ITGBL1: variants seen among roughly 807,000 people sequenced by gnomAD.
ITGBL1 encodes the protein integrin subunit beta like 1, also known as integrin beta-like protein 1.
In ITGBL1, 51 loss-of-function variants were observed where a neutral mutation model predicts 68.5. That is an observed-to-expected ratio of 0.74 (90% CI 0.59 to 0.94). ITGBL1 has a LOEUF of 0.94. ITGBL1 is among the 40% of genes least tolerant of loss of function. The pLI is 0.00. For missense variants in ITGBL1, 649 were observed against 647.4 expected (o/e 1.00, Z -0.03); for synonymous variants, 209 against 227.3 (o/e 0.92, Z 0.72).
chr13:101,460,581 G>A (rs1802156397), intron 2 of ITGBL1, among the ~76,000 whole-genome samples: 1 of 152,198 alleles, frequency 6.6e-6, no homozygotes, highest in South Asian at 2.1e-4. Flanking sequence ...ACAGGGCTCT[G>A]CAGCTCTACC....
chr13:101,639,288 G>A (rs1264710828), intron 7 of ITGBL1, among the ~76,000 whole-genome samples: 1 of 152,108 alleles, frequency 6.6e-6, no homozygotes, highest in African/African-American at 2.4e-5. Context: ...ATATTTCCCT[G>A]AGACAAAGTT....
chr13:101,568,934 T>C (rs1289696902), intron 3 of ITGBL1, among the ~76,000 whole-genome samples: 3 of 152,066 alleles, frequency 2.0e-5, no homozygotes, highest in Admixed American at 6.6e-5. Flanking sequence ...TCTGTGTTCA[T>C]GATGTTCTCA....
chr13:101,564,675 G>C (rs949704510), intron 2 of ITGBL1, among the ~76,000 whole-genome samples: 3 of 148,578 alleles, frequency 2.0e-5, no homozygotes, highest in African/African-American at 4.9e-5. Flanking sequence ...TTGTATCCAG[G>C]ATAAACATAC....
At position 101,509,052 on chromosome 13, in the gene ITGBL1, T is replaced by C. The variant is rs148736332; in HGVS notation, c.316+54952T>C. On this transcript the variant is annotated intron_variant, in intron 2 of 10. Transcript: ENST00000376180. Reference sequence around the variant, plus strand: ...TATTAGTCCATTTTCATGCTGCTGATAAAGACATACCCAAGACCGGGCAAT... The same window carrying C: ...TATTAGTCCATTTTCATGCTGCTGACAAAGACATACCCAAGACCGGGCAAT... Among the ~76,000 whole-genome samples the C allele has an allele frequency of 7.2e-5, 11 of 152,234 alleles. No individual in the cohort carries two copies. The East Asian group carries it at 2.1e-3, about 29-fold the overall frequency.
intron 2 of ITGBL1, among the ~76,000 whole-genome samples, chr13:101,457,511 C>T (rs997512937): frequency 1.8e-4 from 27 of 152,180 alleles, no homozygotes. Context: ...CTGTTTCTTC[C>T]AGTGTCCACT....
At position 101,526,659 on chromosome 13, in the gene ITGBL1, ATGTG is replaced by A. The variant is rs35919129; in HGVS notation, c.317-41016_317-41013del. Among the ~76,000 whole-genome samples the A allele has an allele frequency of 8.1e-3, 1,212 of 149,390 alleles. 10 individuals are homozygous for A. Among genetic ancestry groups the A allele is most frequent in the African/African-American group, 0.018 (730 of 40,718 alleles). On this transcript the variant is annotated intron_variant, in intron 2 of 10. Coordinates refer to ENST00000376180, the MANE Select transcript of ITGBL1 (RefSeq NM_004791.3). Reference sequence around the variant, plus strand: ...TCTGAAAAATCAGCATTGAAGTTATATGTGTGTGTGTGTGTGTGTGTGTGTGTAT... The same window carrying A: ...TCTGAAAAATCAGCATTGAAGTTATATGTGTGTGTGTGTGTGTGTGTGTAT...
intron 2 of ITGBL1, among the ~76,000 whole-genome samples, chr13:101,458,944 A>G (rs2139617561): frequency 6.6e-6 from 1 of 152,234 alleles, no homozygotes; most frequent in East Asian, 1.9e-4. Context: ...CAGAATTATT[A>G]TTTTTTTAAA....
chr13:101,542,994 G>A (rs978778350), intron 2 of ITGBL1, among the ~76,000 whole-genome samples: 65 of 152,100 alleles, frequency 4.3e-4, no homozygotes, highest in Non-Finnish European at 8.5e-4. Flanking sequence ...ACACTGATGG[G>A]TCTTGACTCT....
Position 101,598,330 on chromosome 13 carries a change from C to T in ITGBL1, c.1015+31C>T, listed in dbSNP as rs770372373. On this transcript the variant is annotated intron_variant, in intron 7 of 10. Coordinates refer to ENST00000376180, the MANE Select transcript of ITGBL1 (RefSeq NM_004791.3). Reference sequence around the variant, plus strand: ...TGAGGTCTCTCAGGGCTTCCCACGGCCTCTCCATCACAATTCAAATGAATT... The same window carrying T: ...TGAGGTCTCTCAGGGCTTCCCACGGTCTCTCCATCACAATTCAAATGAATT... 5.2e-6 allele frequency: 8 copies of T among 1,529,322 alleles called. No individual in the cohort carries two copies. The South Asian group carries it at 6.4e-5, about 12-fold the overall frequency. 94.7% of individuals were successfully genotyped at this position (1,529,322 alleles called of 1,614,324 possible).
chr13:101,660,020 G>T (rs947584217), intron 7 of ITGBL1, among the ~76,000 whole-genome samples: 1 of 152,096 alleles, frequency 6.6e-6, no homozygotes, highest in Non-Finnish European at 1.5e-5. Context: ...GTTCTTCTGT[G>T]CATTGTAGGG....
intron 6 of ITGBL1, among the ~76,000 whole-genome samples, chr13:101,588,708 AC>A (rs2050601253): frequency 7.1e-6 from 1 of 141,206 alleles, no homozygotes; most frequent in Non-Finnish European, 1.6e-5. Flanking sequence ...AAAAAAAAAA[AC>A]CTGATGTAAT....
At chr13:101,626,334 T>C (rs552596375) in intron 7 of ITGBL1, among the ~76,000 whole-genome samples, 1 of 152,344 alleles carries the variant, frequency 6.6e-6, no homozygotes, top group South Asian at 2.1e-4. Context: ...TACACTACAA[T>C]TTAATGGCAC....
chr13:101,603,958 C>T (rs1401483351), intron 7 of ITGBL1, among the ~76,000 whole-genome samples: 2 of 151,876 alleles, frequency 1.3e-5, no homozygotes, highest in East Asian at 3.9e-4. Context: ...ATTATTTAAA[C>T]TCCAAATGGT....
chr13:101,454,184 T>A, intron 2 of ITGBL1, 84 bp downstream of exon 2: 7 of 966,712 alleles, frequency 7.2e-6, no homozygotes, highest in Non-Finnish European at 1.0e-5. Context: ...GAGTGAAGGG[T>A]GGGGACACGC....
At chr13:101,505,362 C>T (rs2049010537) in intron 2 of ITGBL1, among the ~76,000 whole-genome samples, 1 of 152,076 alleles carries the variant, frequency 6.6e-6, no homozygotes, top group Admixed American at 6.5e-5. Context: ...TGTGCATGTT[C>T]TTGAAGAACT....
chr13:101,712,081 C>T (rs920173071), intron 9 of ITGBL1: 1 of 152,130 alleles, frequency 6.6e-6, no homozygotes, highest in African/African-American at 2.4e-5. Flanking sequence ...ACAGCTAGAG[C>T]GTTCTACAGG....
intron 7 of ITGBL1, among the ~76,000 whole-genome samples, chr13:101,665,997 C>T (rs1306916893): frequency 1.3e-5 from 2 of 152,092 alleles, no homozygotes; most frequent in Non-Finnish European, 2.9e-5. Context: ...ACTTATATAA[C>T]CTCCTCATTT....
chr13:101,492,694 G>A (rs2048797534), intron 2 of ITGBL1, among the ~76,000 whole-genome samples: 1 of 152,138 alleles, frequency 6.6e-6, no homozygotes, highest in South Asian at 2.1e-4. Flanking sequence ...TTCCCTTGCT[G>A]CCCTCCTTGG....
chr13:101,704,757 G>C (rs2034217213), intron 8 of ITGBL1, among the ~76,000 whole-genome samples: 1 of 152,152 alleles, frequency 6.6e-6, no homozygotes, highest in African/African-American at 2.4e-5. Context: ...ACTAGAGTCA[G>C]TTCCGATCTG....
Sources: allele counts gnomAD v4.1 joint callset (sites outside exome capture counted in the v4.1 genomes callset), GRCh38; gene constraint gnomAD v4.1.1; transcripts MANE v1.5; gene names NCBI Gene and HGNC (gene_info 2026-07-23, HGNC 2026-07-21).